NTM: variants seen among roughly 807,000 people sequenced by gnomAD.
The protein encoded by NTM is neurotrimin, also known as IgLON family member 2.
Under a neutral mutation model 42.1 loss-of-function variants are expected in NTM, and 13 were observed. That is an observed-to-expected ratio of 0.31 (90% CI 0.20 to 0.49). The LOEUF (loss-of-function observed/expected upper bound fraction) is 0.49, where lower values mean the gene tolerates loss of function less well. Ranked by LOEUF, NTM falls within the 20% of genes least tolerant of loss-of-function variation. NTM has a pLI of 0.99. For missense variants in NTM, 373 were observed against 452.8 expected (o/e 0.82, Z 1.60); for synonymous variants, 187 against 179.2 (o/e 1.04, Z -0.35).
At chr11:131,734,466 G>GACCTAA (rs539744938) in intron 1 of NTM, among the ~76,000 whole-genome samples, 216 of 152,080 alleles carry the variant, frequency 1.4e-3, no homozygotes, top group African/African-American at 5.0e-3. Context: ...AACAAACATG[G>GACCTAA]ACCTAATAAG....
intron 3 of NTM, among the ~76,000 whole-genome samples, chr11:132,152,473 T>A (rs2072178005): frequency 1.3e-5 from 2 of 152,224 alleles, no homozygotes; most frequent in African/African-American, 4.8e-5. Flanking sequence ...AAGAAATAGA[T>A]GAAAATGTAT....
At chr11:132,054,577 A>G (rs143407223) in intron 2 of NTM, among the ~76,000 whole-genome samples, 42 of 152,342 alleles carry the variant, frequency 2.8e-4, no homozygotes, top group African/African-American at 9.1e-4. Flanking sequence ...TTAGCTCTCA[A>G]TGAGTTAAAG....
chr11:131,865,730 C>T (rs1263142477), intron 1 of NTM, among the ~76,000 whole-genome samples: 1 of 84,424 alleles, frequency 1.2e-5, no homozygotes, highest in Non-Finnish European at 2.4e-5. Context: ...ACCCCACCTG[C>T]TCTCACACGT....
chr11:132,220,821 C>T (rs561058816), intron 4 of NTM, among the ~76,000 whole-genome samples: 8 of 152,210 alleles, frequency 5.3e-5, no homozygotes, highest in African/African-American at 1.4e-4. Context: ...ATCATCCTCC[C>T]CACAGAAGCC....
chr11:132,013,825 C>A (rs1294274588), intron 2 of NTM, among the ~76,000 whole-genome samples: 2 of 151,956 alleles, frequency 1.3e-5, no homozygotes, highest in East Asian at 1.9e-4. Context: ...GTGTAGTGAT[C>A]AAGTTGGGGG....
At chr11:131,908,210 T>C (rs2054145924) in intron 1 of NTM, among the ~76,000 whole-genome samples, 1 of 152,192 alleles carries the variant, frequency 6.6e-6, no homozygotes, top group South Asian at 2.1e-4. Flanking sequence ...TGCAGACTGG[T>C]AGAAACCAAA....
At chr11:131,685,967 C>T (rs551693982) in intron 1 of NTM, among the ~76,000 whole-genome samples, 1 of 152,332 alleles carries the variant, frequency 6.6e-6, no homozygotes, top group South Asian at 2.1e-4. Flanking sequence ...AGGATGCTTA[C>T]AAAGAAGTCT....
intron 2 of NTM, among the ~76,000 whole-genome samples, chr11:132,073,169 G>T: frequency 6.6e-6 from 1 of 152,132 alleles, no homozygotes; most frequent in East Asian, 1.9e-4. Flanking sequence ...TCCAAACTAA[G>T]TGTCCTCTGT....
intron 1 of NTM, among the ~76,000 whole-genome samples, chr11:131,525,269 G>A (rs2050310526): frequency 6.6e-6 from 1 of 152,202 alleles, no homozygotes; most frequent in Non-Finnish European, 1.5e-5. Context: ...TGGGACGTGG[G>A]TGCTGACCCC....
chr11:132,001,662 C>T (rs892190648), intron 2 of NTM, among the ~76,000 whole-genome samples: 13 of 152,224 alleles, frequency 8.5e-5, no homozygotes, highest in African/African-American at 3.1e-4. Context: ...GATCTCCCCC[C>T]ATTACCCAAA....
At chr11:132,245,945 A>C (rs1246957511) in intron 4 of NTM, among the ~76,000 whole-genome samples, 1 of 152,162 alleles carries the variant, frequency 6.6e-6, no homozygotes, top group East Asian at 1.9e-4. Flanking sequence ...TACTCATCCC[A>C]GCTGCCGCGT....
intron 2 of NTM, among the ~76,000 whole-genome samples, chr11:132,008,160 G>A (rs982241797): frequency 6.6e-6 from 1 of 152,124 alleles, no homozygotes; most frequent in Non-Finnish European, 1.5e-5. Flanking sequence ...CACTGTATGG[G>A]GATCATGACG....
rs2069837434 is a variant in NTM at position 132,003,342 on chromosome 11, C to T, written c.167+91694C>T. Among the ~76,000 whole-genome samples the T allele has an allele frequency of 6.6e-6, 1 of 151,592 alleles. No homozygotes were observed. The highest frequency in any genetic ancestry group is 2.1e-4 in the South Asian group (1 of 4,766). On this transcript the variant is annotated intron_variant, in intron 2 of 8. Transcript: ENST00000683400. This position sits in a 1 kb window ranked among gnomAD's most constrained non-coding sequence, Gnocchi z 6.0. ...CTTACTGCAGCCTCAACCTCCTGGG[C>T]TCAAATGATCCTCACACCTCAGCCT...
intron 1 of NTM, among the ~76,000 whole-genome samples, chr11:131,672,563 A>G (rs915207638): frequency 6.6e-6 from 1 of 152,208 alleles, no homozygotes; most frequent in Admixed American, 6.5e-5. Context: ...CCATCAGACC[A>G]GGCTCAAACC....
intron 1 of NTM, among the ~76,000 whole-genome samples, chr11:131,688,306 C>T (rs889831088): frequency 2.0e-5 from 3 of 152,214 alleles, no homozygotes; most frequent in African/African-American, 4.8e-5. Flanking sequence ...CCGTGCCCCT[C>T]CTGGGTTTCT....
At chr11:131,875,990 G>A (rs2048486533) in intron 1 of NTM, among the ~76,000 whole-genome samples, 1 of 152,200 alleles carries the variant, frequency 6.6e-6, no homozygotes, top group Admixed American at 6.5e-5. Flanking sequence ...GGGCCCAGGA[G>A]TGACACTCAA....
intron 1 of NTM, among the ~76,000 whole-genome samples, chr11:131,511,655 A>G (rs757778484): frequency 2.0e-5 from 3 of 152,160 alleles, no homozygotes; most frequent in Non-Finnish European, 4.4e-5. Flanking sequence ...CTCCATTCCC[A>G]GTTGCAGGAC....
chr11:131,726,896 C>T (rs188738392), intron 1 of NTM, among the ~76,000 whole-genome samples: 16 of 151,268 alleles, frequency 1.1e-4, no homozygotes, highest in East Asian at 5.8e-4. Context: ...TCCACAGAGA[C>T]GGGGCTGGTC....
intron 1 of NTM, among the ~76,000 whole-genome samples, chr11:131,704,793 C>G (rs1489503453): frequency 6.6e-6 from 1 of 152,038 alleles, no homozygotes; most frequent in Non-Finnish European, 1.5e-5. Context: ...TTTTAAAAAA[C>G]AGAAATCCGG....
Sources: allele counts gnomAD v4.1 joint callset (sites outside exome capture counted in the v4.1 genomes callset), GRCh38; gene constraint gnomAD v4.1.1; non-coding constraint Gnocchi (gnomAD v3.1); transcripts MANE v1.5; gene names NCBI Gene and HGNC (gene_info 2026-07-23, HGNC 2026-07-21).